VTA1: variants seen among roughly 807,000 people sequenced by gnomAD.
VTA1 encodes vacuolar protein sorting-associated protein VTA1 homolog.
VTA1 carries 24 observed loss-of-function variants against 36.9 expected under a neutral mutation model. The observed-to-expected ratio is 0.65, with a 90% CI of 0.47 to 0.91. VTA1 has a LOEUF of 0.91. VTA1 is among the 40% of genes least tolerant of loss of function. The probability of loss-of-function intolerance (pLI) is 0.00; values close to 1 mark genes in which losing one functional copy is unlikely to be tolerated. For synonymous variants in VTA1, 142 were observed against 130.2 expected (o/e 1.09, Z -0.62); for missense variants, 393 against 377.2 (o/e 1.04, Z -0.35).
chr6:142,175,525 CTT>C (rs1775105142), intron 4 of VTA1, among the ~76,000 whole-genome samples: 1 of 151,978 alleles, frequency 6.6e-6, no homozygotes, highest in South Asian at 2.1e-4. Flanking sequence ...AGAGTTCTAA[CTT>C]TATAAATGTA....
intron 6 of VTA1, 106 bp from the exon 7 acceptor site, chr6:142,203,879 A>C: frequency 1.1e-6 from 1 of 876,982 alleles, no homozygotes; most frequent in Non-Finnish European, 1.8e-6. Context: ...TGTTTCTAGA[A>C]AATAAGCAAA....
rs180974546 is a variant in VTA1 at position 142,179,315 on chromosome 6, A to T, written c.411+8894A>T. 1.2e-3 allele frequency among the ~76,000 whole-genome samples: 172 copies of T among 148,312 alleles called. 2 individuals are homozygous for T. In the East Asian group the frequency reaches 0.031, roughly 27 times the overall value. On this transcript the variant is annotated intron_variant, in intron 4 of 7. Transcript: ENST00000367630. ...ATCCACTTTAGGAAAAGAGTTGGTC[A>T]TTTTTTTTTTAATGCTAAACATACT...
intron 4 of VTA1, among the ~76,000 whole-genome samples, chr6:142,185,237 T>C (rs1357465038): frequency 6.6e-6 from 1 of 152,184 alleles, no homozygotes; most frequent in South Asian, 2.1e-4. Context: ...CAGTTCTTTG[T>C]ATTTTAATTT....
rs1315030841 is a variant in VTA1, at chr6:142,198,105, ATATAT to A, written c.521-333_521-329del. Among the ~76,000 whole-genome samples the A allele has an allele frequency of 3.1e-4, 37 of 121,242 alleles. 2 individuals carry two copies. Among genetic ancestry groups the A allele is most frequent in the Non-Finnish European group, 2.9e-4 (18 of 61,318 alleles). 79.5% of individuals were successfully genotyped at this position (121,242 alleles called of 152,430 possible). A position where few individuals can be genotyped will look rare whatever the true frequency, so the allele number is the denominator to read the frequency against. On this transcript the variant is annotated intron_variant, in intron 5 of 7. Coordinates refer to ENST00000367630, the MANE Select transcript of VTA1 (RefSeq NM_016485.5). The stretch of plus-strand genomic sequence containing the variant: ...GAGTGAGACTCCGTCTCAAAAAAAA[ATATAT>A]ATATATATATGTGTGTGTGTGTGTG...
At chr6:142,202,411 A>G (rs909885140) in intron 6 of VTA1, among the ~76,000 whole-genome samples, 8 of 151,970 alleles carry the variant, frequency 5.3e-5, no homozygotes, top group Non-Finnish European at 1.0e-4. Context: ...ATAGCAAAAG[A>G]TTGGAAATTA....
chr6:142,206,274 A>G (rs1775788940), intron 7 of VTA1, among the ~76,000 whole-genome samples: 1 of 152,224 alleles, frequency 6.6e-6, no homozygotes, highest in Non-Finnish European at 1.5e-5. Flanking sequence ...GCACAAAACA[A>G]GTGGGATTTG....
chr6:142,168,787 GA>G (rs1238390849), intron 2 of VTA1, among the ~76,000 whole-genome samples: 3 of 134,948 alleles, frequency 2.2e-5, no homozygotes, highest in African/African-American at 8.3e-5. Flanking sequence ...ATTATTTTGA[GA>G]CAGAGTCTCG....
At chr6:142,155,638 C>G (rs1778648873) in intron 1 of VTA1, among the ~76,000 whole-genome samples, 1 of 152,114 alleles carries the variant, frequency 6.6e-6, no homozygotes, top group African/African-American at 2.4e-5. Flanking sequence ...TAGTTTTAAT[C>G]AAATTAATTT....
intron 5 of VTA1, among the ~76,000 whole-genome samples, chr6:142,193,414 T>G (rs1775490229): frequency 2.0e-5 from 3 of 152,154 alleles, no homozygotes; most frequent in Admixed American, 2.0e-4. Context: ...TACTTTGATA[T>G]TATGTAAATA....
intron 2 of VTA1, among the ~76,000 whole-genome samples, chr6:142,167,019 T>C (rs1774929836): frequency 6.6e-6 from 1 of 152,176 alleles, no homozygotes; most frequent in African/African-American, 2.4e-5. Context: ...ATGGGCTGTG[T>C]ATTTAGTGAA....
chr6:142,170,176 AAC>A (rs1439596369), intron 3 of VTA1, among the ~76,000 whole-genome samples, 168 bp from the exon 4 acceptor site: 1 of 152,210 alleles, frequency 6.6e-6, no homozygotes, highest in African/African-American at 2.4e-5. Flanking sequence ...TTCTCATAGT[AAC>A]AGATTAGAAA....
intron 7 of VTA1, among the ~76,000 whole-genome samples, chr6:142,208,325 G>A (rs1775835560): frequency 6.6e-6 from 1 of 151,932 alleles, no homozygotes; most frequent in South Asian, 2.1e-4. Flanking sequence ...CTCAACAACA[G>A]AATGAAGTAA....
intron 6 of VTA1, chr6:142,198,859 T>C: frequency 3.6e-6 from 1 of 277,504 alleles, no homozygotes. Flanking sequence ...ATTTTATTAA[T>C]AAGATTGGTT....
chr6:142,203,956 A>G (rs41289835), intron 6 of VTA1, 29 bp from the exon 7 acceptor site: 1,053 of 1,586,228 alleles, frequency 6.6e-4, no homozygotes, highest in Non-Finnish European at 8.4e-4. Context: ...TAATACTTCT[A>G]TGCCCATTTT....
At chr6:142,178,091 A>G (rs1370197362) in intron 4 of VTA1, among the ~76,000 whole-genome samples, 3 of 152,182 alleles carry the variant, frequency 2.0e-5, no homozygotes, top group Non-Finnish European at 4.4e-5. Flanking sequence ...AGCACAGTGG[A>G]CAATTAGGTT....
intron 4 of VTA1, among the ~76,000 whole-genome samples, chr6:142,188,225 CTTTTTTTTTTT>C (rs200348683): frequency 7.6e-5 from 6 of 78,966 alleles, no homozygotes; most frequent in African/African-American, 1.5e-4. Flanking sequence ...TTCTTTATTT[CTTTTTTTTTTT>C]TTTTTTTTTT....
In VTA1 at chr6:142,154,607, G is replaced by A. The variant is rs546998421; in HGVS notation, c.112+7208G>A. Among the ~76,000 whole-genome samples, 3 of 152,164 alleles carry A rather than the reference G, an allele frequency of 2.0e-5. No homozygotes were observed. The South Asian group carries it at 6.2e-4, about 32-fold the overall frequency. On this transcript the variant is annotated intron_variant, in intron 1 of 7. Transcript: ENST00000367630. ...ATTGGCAACACATGAATAAGTGATA[G>A]AGTTTCTCTTCATTCTCACCAGCAT...
chr6:142,175,411 T>C (rs1382700613), intron 4 of VTA1, among the ~76,000 whole-genome samples: 1 of 152,022 alleles, frequency 6.6e-6, no homozygotes, highest in African/African-American at 2.4e-5. Context: ...AATGTGTTTT[T>C]AGCCGGCTTT....
chr6:142,176,042 T>A (rs775721728), intron 4 of VTA1, among the ~76,000 whole-genome samples: 1 of 152,190 alleles, frequency 6.6e-6, no homozygotes, highest in Non-Finnish European at 1.5e-5. Flanking sequence ...TCTCTTGGAA[T>A]CAGTGCCCAG....
Sources: gnomAD v4.1 joint callset for allele counts (sites outside exome capture counted in the v4.1 genomes callset) on GRCh38, gnomAD v4.1.1 for gene constraint, MANE v1.5 for transcripts, NCBI Gene and HGNC (gene_info 2026-07-23, HGNC 2026-07-21) for gene names.